Variants in INTU observed in about 807,000 individuals in gnomAD.
The protein encoded by INTU is inturned planar cell polarity protein, also known as protein inturned.
A neutral mutation model predicts 100.5 loss-of-function variants in INTU; 68 were observed. The ratio of observed to expected loss-of-function variants is 0.68; its 90% confidence interval spans 0.56 to 0.83. The LOEUF is 0.83. Among genes scored for constraint, INTU ranks in the 40% least tolerant of loss-of-function variants. The pLI, the probability that INTU is intolerant of heterozygous loss-of-function variation, is 0.00. For missense variants in INTU, 1,071 were observed against 1,114.7 expected (o/e 0.96, Z 0.56); for synonymous variants, 357 against 395.7 (o/e 0.90, Z 1.16).
At chr4:127,654,487 A>T (rs1284816431) in intron 2 of INTU, among the ~76,000 whole-genome samples, 1 of 152,164 alleles carries the variant, frequency 6.6e-6, no homozygotes, top group Non-Finnish European at 1.5e-5. Flanking sequence ...TATGAAGCTT[A>T]GTTTGGCTGG....
Position 127,720,726 on chromosome 4 carries a change from A to ATG in INTU, c.*4292_*4293dup. 6.6e-6 allele frequency: 1 copy of ATG among 152,148 alleles called. No homozygotes were observed. The highest frequency in any genetic ancestry group is 1.5e-5 in the Non-Finnish European group (1 of 68,028). The allele number at this position is 152,148 out of a possible 1,614,324, so 9.4% of individuals were successfully genotyped here. On this transcript the variant is annotated 3_prime_UTR_variant, in exon 16 of 16. Transcript: ENST00000335251. ...TTGTTGAATTGACCCCTTTACCAGT[A>ATG]TGTAATGCCTTTGTCTTTTTTTTAA...
At position 127,633,005 on chromosome 4, in the gene INTU, A is replaced by G. The variant is rs201795409; in HGVS notation, c.-30A>G. ...AAGCTATAGCTGCGAGATTTGAATT[A>G]CTCCACTCGTAGCTATTGCATTCCT... On this transcript the variant is annotated 5_prime_UTR_variant, in exon 1 of 16. Transcript: ENST00000335251. The G allele has an allele frequency of 2.8e-5, 45 of 1,597,448 alleles. No homozygotes were observed. In the Middle Eastern group the frequency reaches 7.5e-4, roughly 27 times the overall value.
At position 127,687,794 on chromosome 4, in the gene INTU, A is replaced by G. The variant is rs751658697; in HGVS notation, c.1376A>G (p.Tyr459Cys). The change falls in exon 8 of 16, where the codon TAC (tyrosine) becomes TGC (cysteine). Residue 459 changes from tyrosine (Y) to cysteine (C), a missense_variant. Physicochemically the swap from Tyr to Cys is radical, Grantham distance 194 (BLOSUM62 -2). Transcript: ENST00000335251. ...AGCGCCAGTCCCAGTGCTCAGCAGT[A>G]CGATGCTTCCAGTGCAGTACTTTTA... ...HSSASPSAQQ[Y>C]DASSAVLLDN... 1 of 1,613,380 alleles carries G rather than the reference A, an allele frequency of 6.2e-7. No individual in the cohort carries two copies. The highest frequency in any genetic ancestry group is 1.3e-5 in the African/African-American group (1 of 74,908).
intron 2 of INTU, among the ~76,000 whole-genome samples, chr4:127,644,970 T>C (rs765621591): frequency 1.4e-4 from 21 of 152,352 alleles, no homozygotes; most frequent in Non-Finnish European, 2.9e-4. Context: ...ACTGATCCAA[T>C]TATTTCTTGA....
chr4:127,656,972 A>T (rs1437106137), intron 3 of INTU, among the ~76,000 whole-genome samples: 1 of 152,214 alleles, frequency 6.6e-6, no homozygotes, highest in Non-Finnish European at 1.5e-5. Flanking sequence ...TAATGAAAAC[A>T]TACATAATTG....
chr4:127,638,756 C>T (rs1025777832), intron 1 of INTU, among the ~76,000 whole-genome samples: 1 of 152,108 alleles, frequency 6.6e-6, no homozygotes, highest in Non-Finnish European at 1.5e-5. Flanking sequence ...TGCCCTAAAA[C>T]GTTGCTGGCA....
At chr4:127,661,549 C>T (rs550784202) in intron 3 of INTU, among the ~76,000 whole-genome samples, 1 of 152,218 alleles carries the variant, frequency 6.6e-6, no homozygotes, top group African/African-American at 2.4e-5. Flanking sequence ...TAGGATGTGA[C>T]TCATCTCATG....
intron 6 of INTU, among the ~76,000 whole-genome samples, chr4:127,680,573 C>T (rs1466531461): frequency 9.5e-6 from 1 of 105,066 alleles, no homozygotes; most frequent in Non-Finnish European, 2.0e-5. Context: ...GCTAAAAACT[C>T]TCAATAAATT....
intron 2 of INTU, among the ~76,000 whole-genome samples, chr4:127,651,552 G>A (rs1388096428): frequency 6.6e-6 from 1 of 152,062 alleles, no homozygotes; most frequent in East Asian, 1.9e-4. Context: ...TATTTCTGAG[G>A]GCTCTGTTCT....
At chr4:127,703,225 T>A (rs1252602550) in intron 9 of INTU, among the ~76,000 whole-genome samples, 2 of 152,194 alleles carry the variant, frequency 1.3e-5, no homozygotes, top group Non-Finnish European at 2.9e-5. Context: ...AATTTGTTTA[T>A]CCATTCCCCA....
In INTU at chr4:127,674,216, A is replaced by G. The variant is rs1729069229; in HGVS notation, c.1181+3A>G. ...CTAATTGGCCTGCCTGCTGAAGAGT[A>G]AGTTGAGGTTTTGCTTACCTTAAAA... On this transcript the variant is annotated splice_donor_region_variant and intron_variant, in intron 6 of 15. Transcript: ENST00000335251. 1.9e-6 allele frequency: 3 copies of G among 1,601,946 alleles called. No homozygotes were observed. The highest frequency in any genetic ancestry group is 2.6e-6 in the Non-Finnish European group (3 of 1,172,134).
chr4:127,701,857 G>A lies in INTU; in HGVS notation c.1503+1794G>A, dbSNP rs151159927. 3.9e-5 allele frequency among the ~76,000 whole-genome samples: 6 copies of A among 152,248 alleles called. No homozygotes were observed. In the East Asian group the frequency reaches 1.2e-3, roughly 29 times the overall value. On this transcript the variant is annotated intron_variant, in intron 9 of 15. Coordinates refer to ENST00000335251, the MANE Select transcript of INTU (RefSeq NM_015693.4). ...CTCAAGAAGATCGCCAGTGAAAGTG[G>A]GAGGAGAATGTTAGCTTGAAAGGGT...
chr4:127,645,516 G>T (rs1385279260), intron 2 of INTU, among the ~76,000 whole-genome samples: 1 of 151,334 alleles, frequency 6.6e-6, no homozygotes, highest in Non-Finnish European at 1.5e-5. Context: ...CAGGAGAGAT[G>T]ATAAATTATT....
chr4:127,679,739 G>C (rs991942221), intron 6 of INTU, among the ~76,000 whole-genome samples: 29 of 151,548 alleles, frequency 1.9e-4, no homozygotes, highest in Non-Finnish European at 3.2e-4. Context: ...CAGAAGGCAA[G>C]AAATAACTAA....
At chr4:127,708,522 A>T in intron 12 of INTU, 49 bp from the exon 13 acceptor site, 1 of 950,620 alleles carries the variant, frequency 1.1e-6, no homozygotes, top group Non-Finnish European at 1.6e-6. Flanking sequence ...TTTCTGCTAT[A>T]TGATTCCATT....
intron 2 of INTU, among the ~76,000 whole-genome samples, chr4:127,651,609 T>G (rs1296630722): frequency 5.3e-5 from 8 of 152,190 alleles, no homozygotes; most frequent in Non-Finnish European, 8.8e-5. Context: ...CCATGCTGTT[T>G]TGGTTACTGT....
intron 1 of INTU, among the ~76,000 whole-genome samples, chr4:127,638,106 T>A (rs1426215144): frequency 1.3e-5 from 2 of 152,158 alleles, no homozygotes; most frequent in African/African-American, 4.8e-5. Flanking sequence ...GAAAATCAGA[T>A]ATTGTTGGTA....
intron 7 of INTU, chr4:127,687,156 T>C (rs765256763): frequency 2.6e-5 from 4 of 152,220 alleles, no homozygotes; most frequent in Admixed American, 2.6e-4. Context: ...GCATTCTGCA[T>C]GTGAGCTAGA....
intron 1 of INTU, among the ~76,000 whole-genome samples, chr4:127,640,971 G>A (rs1019208427): frequency 6.6e-6 from 1 of 151,708 alleles, no homozygotes; most frequent in Non-Finnish European, 1.5e-5. Flanking sequence ...AAGGATGCAT[G>A]AAAGTATAGT....
Sources: gnomAD v4.1 joint callset for allele counts (sites outside exome capture counted in the v4.1 genomes callset) on GRCh38, gnomAD v4.1.1 for gene constraint, MANE v1.5 for transcripts, NCBI Gene and HGNC (gene_info 2026-07-23, HGNC 2026-07-21) for gene names.